The following OR1J2 variants were observed in gnomAD, a reference collection of about 807,000 sequenced individuals.
OR1J2 encodes olfactory receptor family 1 subfamily J member 2, also known as olfactory receptor 1J2.
For synonymous variants in OR1J2, 142 were observed against 99.7 expected (o/e 1.42, Z -2.52); for missense variants, 304 against 246.1 (o/e 1.24, Z -1.57).
the OR1J2 span, among the ~76,000 whole-genome samples, chr9:122,468,707 G>A: frequency 5.3e-5 from 8 of 152,140 alleles, no homozygotes; most frequent in South Asian, 6.2e-4. Flanking sequence ...TAGTCAAGGC[G>A]ACTGAGGAGA....
the OR1J2 span, among the ~76,000 whole-genome samples, chr9:122,488,908 G>A: frequency 6.6e-6 from 1 of 151,974 alleles, no homozygotes; most frequent in African/African-American, 2.4e-5. Context: ...AGAATGTGCA[G>A]GTTTGTTATA....
the OR1J2 span, chr9:122,527,078 C>T: frequency 6.8e-6 from 11 of 1,614,078 alleles, no homozygotes; most frequent in Admixed American, 1.7e-5. Context: ...CTGTGGAGGA[C>T]GTTAAACCCA....
the OR1J2 span, chr9:122,475,647 TCA>T: frequency 6.7e-6 from 1 of 149,916 alleles, no homozygotes; most frequent in Non-Finnish European, 1.5e-5. Flanking sequence ...ATCAATATCT[TCA>T]TTTTGTGTGT....
chr9:122,530,042 A>T, the OR1J2 span, among the ~76,000 whole-genome samples: 1 of 152,234 alleles, frequency 6.6e-6, no homozygotes, highest in South Asian at 2.1e-4. Flanking sequence ...AAACAGCTGG[A>T]AGCAGAAGTC....
At chr9:122,485,266 A>C in the OR1J2 span, among the ~76,000 whole-genome samples, 1 of 152,236 alleles carries the variant, frequency 6.6e-6, no homozygotes, top group African/African-American at 2.4e-5. Context: ...CAGCAGAATT[A>C]GAATATTTAT....
At chr9:122,497,805 G>T in the OR1J2 span, among the ~76,000 whole-genome samples, 7 of 152,112 alleles carry the variant, frequency 4.6e-5, no homozygotes, top group Non-Finnish European at 8.8e-5. Flanking sequence ...GGCATTTAGC[G>T]CTATAAACTT....
At chr9:122,575,884 T>C in the OR1J2 span, among the ~76,000 whole-genome samples, 1 of 152,192 alleles carries the variant, frequency 6.6e-6, no homozygotes, top group South Asian at 2.1e-4. Context: ...GACCTACATC[T>C]CCCAATTTTG....
At position 122,511,435 on chromosome 9, in the gene OR1J2, A is replaced by G. The variant is rs762397750; in HGVS notation, c.634A>G (p.Met212Val). 3.5e-5 allele frequency: 27 copies of G among 776,254 alleles called. No homozygotes were observed. In the African/African-American group the frequency reaches 3.6e-4, roughly 10 times the overall value. The allele number at this position is 776,254 out of a possible 1,614,324, so 48.1% of individuals were successfully genotyped here. A position where few individuals can be genotyped will look rare whatever the true frequency, so the allele number is the denominator to read the frequency against. The change falls in exon 1 of 1, where the codon ATG becomes GTG. Residue 212 changes from methionine to valine, a missense_variant. Coordinates refer to ENST00000335302, the MANE Select transcript of OR1J2 (RefSeq NM_054107.1). ...GGTGGTGGTCATTACCCTGCCATTC[A>G]TGTGTATCCTGGTATCATATGGCTA... The part of the protein sequence containing the change: ...VGVVVITLPF[M>V]CILVSYGYIG...
chr9:122,548,775 G>A, the OR1J2 span, among the ~76,000 whole-genome samples: 8,818 of 94,848 alleles, frequency 0.093, 381 homozygotes, highest in South Asian at 0.3. Context: ...AACAGGCCCC[G>A]GTGTGTGATG....
the OR1J2 span, among the ~76,000 whole-genome samples, chr9:122,457,026 A>C: frequency 9.2e-5 from 14 of 152,216 alleles, no homozygotes; most frequent in Admixed American, 8.5e-4. Flanking sequence ...ATACACCATG[A>C]AATACTATGC....
the OR1J2 span, among the ~76,000 whole-genome samples, chr9:122,566,197 C>T: frequency 0.27 from 41,491 of 152,100 alleles, 5,837 homozygotes; most frequent in Middle Eastern, 0.35. Flanking sequence ...GTGCCAAAAT[C>T]GTGTTTTTAG....
At chr9:122,515,924 C>G (rs1391334829), downstream of OR1J2, among the ~76,000 whole-genome samples, 1 of 152,146 alleles carries the variant, frequency 6.6e-6, no homozygotes, top group African/African-American at 2.4e-5. Flanking sequence ...CTGGTTTGCA[C>G]TGAATATAAG....
At chr9:122,491,195 T>C in the OR1J2 span, among the ~76,000 whole-genome samples, 1 of 151,736 alleles carries the variant, frequency 6.6e-6, no homozygotes, top group Non-Finnish European at 1.5e-5. Context: ...GACAGCTGAG[T>C]GTATGGTTGT....
the OR1J2 span, among the ~76,000 whole-genome samples, chr9:122,551,993 A>G: frequency 2.8e-5 from 4 of 143,876 alleles, no homozygotes; most frequent in Non-Finnish European, 6.3e-5. Flanking sequence ...CCTAAAACTG[A>G]TCCATAATCT....
the OR1J2 span, among the ~76,000 whole-genome samples, chr9:122,556,587 T>A: frequency 6.6e-6 from 1 of 152,050 alleles, no homozygotes; most frequent in Non-Finnish European, 1.5e-5. Flanking sequence ...AAAGCCTAGA[T>A]GACAGGTTGA....
chr9:122,491,406 AAAG>A, the OR1J2 span, among the ~76,000 whole-genome samples: 6 of 152,134 alleles, frequency 3.9e-5, no homozygotes, highest in East Asian at 1.9e-4. Context: ...AGCTGAGGAA[AAAG>A]AAGAAGGAGG....
chr9:122,519,854 G>GT, the OR1J2 span: 6 of 1,614,094 alleles, frequency 3.7e-6, no homozygotes, highest in Non-Finnish European at 5.1e-6. Flanking sequence ...TCAAAGCTTT[G>GT]TCCACCTGTG....
At chr9:122,556,761 C>T in the OR1J2 span, among the ~76,000 whole-genome samples, 3 of 152,126 alleles carry the variant, frequency 2.0e-5, no homozygotes, top group African/African-American at 7.2e-5. Context: ...TCTTTTGCCT[C>T]TCTGCATTTT....
At chr9:122,560,514 C>A in the OR1J2 span, among the ~76,000 whole-genome samples, 282 of 152,236 alleles carry the variant, frequency 1.9e-3, no homozygotes, top group African/African-American at 6.3e-3. Flanking sequence ...TCTTGCAAGG[C>A]AGGCCTGGTG....
Sources: gnomAD v4.1 joint callset for allele counts (sites outside exome capture counted in the v4.1 genomes callset) on GRCh38, gnomAD v4.1.1 for gene constraint, MANE v1.5 for transcripts, NCBI Gene and HGNC (gene_info 2026-07-23, HGNC 2026-07-21) for gene names.